ADGRB3: variants seen among roughly 807,000 people sequenced by gnomAD.
ADGRB3 encodes brain-specific angiogenesis inhibitor 3.
ADGRB3 carries 37 observed loss-of-function variants against 193.4 expected under a neutral mutation model. The ratio of observed to expected loss-of-function variants is 0.19; its 90% CI spans 0.15 to 0.25. The LOEUF is 0.25. Ranked by LOEUF, ADGRB3 falls within the 10% of genes least tolerant of loss-of-function variation. The pLI, the probability that ADGRB3 is intolerant of heterozygous loss-of-function variation, is 1.00. For synonymous variants in ADGRB3, 690 were observed against 644.2 expected, an observed-to-expected ratio of 1.07 and a Z score of -1.08; for missense variants, 1,637 against 1,852.9, an observed-to-expected ratio of 0.88 and a Z score of 2.14.
chr6:68,818,178 G>C (rs926380115), intron 3 of ADGRB3, among the ~76,000 whole-genome samples: 1 of 151,978 alleles, frequency 6.6e-6, no homozygotes, highest in Non-Finnish European at 1.5e-5. Context: ...CCACATGCAT[G>C]GTTCTATGTG....
intron 3 of ADGRB3, among the ~76,000 whole-genome samples, chr6:68,813,367 C>G (rs547193861): frequency 1.8e-4 from 27 of 152,196 alleles, no homozygotes; most frequent in African/African-American, 6.5e-4. Context: ...TCCTCAAGAT[C>G]TCACACTATT....
At chr6:68,876,263 G>A (rs925365669) in intron 3 of ADGRB3, among the ~76,000 whole-genome samples, 8 of 152,040 alleles carry the variant, frequency 5.3e-5, no homozygotes, top group African/African-American at 1.4e-4. Flanking sequence ...GACTCCCTAC[G>A]GGAGCTGTGT....
intron 2 of ADGRB3, 43 bp from the exon 3 acceptor site, chr6:68,638,618 G>C: frequency 1.3e-6 from 2 of 1,525,074 alleles, no homozygotes; most frequent in Non-Finnish European, 1.8e-6. Context: ...CTCAATGCAC[G>C]TAGACTCCTA....
In ADGRB3 at chr6:69,235,100, G is replaced by T. The variant is rs1390624035; in HGVS notation, c.2676G>T (p.Leu892Phe). The T allele has an allele frequency of 6.2e-7, 1 of 1,612,452 alleles. No individual in the cohort carries two copies. Among genetic ancestry groups the T allele is most frequent in the Non-Finnish European group, 8.5e-7 (1 of 1,178,760 alleles). Residue 892 changes from leucine (L) to phenylalanine (F), a missense_variant, in exon 19 of 32, where the codon TTG becomes TTT. Physicochemically the swap from Leu to Phe is conservative, Grantham distance 22. This residue lies in a region of ADGRB3 where 641 missense variants were observed against 673.9 expected (regional missense o/e 0.95). Coordinates refer to ENST00000370598, the MANE Select transcript of ADGRB3 (RefSeq NM_001704.3). The part of the protein sequence containing the change: ...IVGSGLSCLA[L>F]ITLAVVYAAL... ...GCAGTGGTCTTTCTTGCTTGGCCTT[G>T]ATTACCCTAGCAGTTGTCTATGCAG...
At chr6:68,729,016 C>T (rs555959584) in intron 3 of ADGRB3, among the ~76,000 whole-genome samples, 1 of 151,510 alleles carries the variant, frequency 6.6e-6, no homozygotes, top group African/African-American at 2.4e-5. Context: ...ATAAGCCACT[C>T]TAACATAGGC....
intron 6 of ADGRB3, among the ~76,000 whole-genome samples, chr6:68,953,312 C>A (rs150805109): frequency 1.6e-4 from 25 of 152,276 alleles, no homozygotes; most frequent in African/African-American, 6.0e-4. Context: ...CTAAGATTAG[C>A]TTAGCAGCAC....
chr6:69,278,180 A>G (rs1404082573), intron 20 of ADGRB3, among the ~76,000 whole-genome samples: 1 of 152,242 alleles, frequency 6.6e-6, no homozygotes, highest in Non-Finnish European at 1.5e-5. Flanking sequence ...ACAGAGATAC[A>G]CTTAGTGATC....
chr6:68,764,525 A>C (rs941591926), intron 3 of ADGRB3, among the ~76,000 whole-genome samples: 4 of 152,194 alleles, frequency 2.6e-5, no homozygotes, highest in African/African-American at 9.7e-5. Context: ...TGAAGTTTGA[A>C]AACCAGAATC....
rs146646342 is a variant in ADGRB3 at position 68,889,947 on chromosome 6, A to G, written c.758-40612A>G. Among the ~76,000 whole-genome samples the G allele has an allele frequency of 3.7e-3, 565 of 152,330 alleles. 11 individuals are homozygous for G. The highest frequency in any genetic ancestry group is 0.033 in the East Asian group (169 of 5,190). On this transcript the variant is annotated intron_variant, in intron 3 of 31. Coordinates refer to ENST00000370598, the MANE Select transcript of ADGRB3 (RefSeq NM_001704.3). The stretch of plus-strand genomic sequence containing the variant: ...ATTTTACATATATCATTATATAGGT[A>G]TATAAAAAGTAGTGAGTACTGTTGT...
intron 17 of ADGRB3, among the ~76,000 whole-genome samples, chr6:69,197,797 G>T (rs563703047): frequency 1.3e-5 from 2 of 152,048 alleles, no homozygotes; most frequent in South Asian, 2.1e-4. Context: ...CAATGTAAAG[G>T]CTGGAAGAAA....
At chr6:69,292,092 C>T (rs1767698395) in intron 20 of ADGRB3, among the ~76,000 whole-genome samples, 1 of 152,128 alleles carries the variant, frequency 6.6e-6, no homozygotes, top group Admixed American at 6.6e-5. Context: ...CATCAAACCT[C>T]GCATAAAAAT....
At chr6:69,192,114 A>T (rs906287178) in intron 17 of ADGRB3, among the ~76,000 whole-genome samples, 25 of 152,158 alleles carry the variant, frequency 1.6e-4, no homozygotes, top group Non-Finnish European at 2.1e-4. Context: ...TTGATTAAGG[A>T]GTATTGGCTC....
intron 3 of ADGRB3, among the ~76,000 whole-genome samples, chr6:68,683,785 A>G (rs903791075): frequency 5.3e-5 from 8 of 152,136 alleles, no homozygotes; most frequent in African/African-American, 1.9e-4. Context: ...TTCCTTCATT[A>G]TACCTTTACG....
chr6:69,223,652 C>CTTTTT (rs554027181), intron 17 of ADGRB3, among the ~76,000 whole-genome samples: 31 of 110,386 alleles, frequency 2.8e-4, no homozygotes, highest in African/African-American at 6.9e-4. Flanking sequence ...CTCTCTCTCT[C>CTTTTT]TTTTTTTTTT....
At chr6:68,958,803 T>A (rs1582349026) in intron 8 of ADGRB3, among the ~76,000 whole-genome samples, 1 of 151,654 alleles carries the variant, frequency 6.6e-6, no homozygotes, top group Non-Finnish European at 1.5e-5. Flanking sequence ...GTTTTCATAA[T>A]TAAAAAGAAT....
At chr6:69,141,205 G>A (rs1354005867) in intron 17 of ADGRB3, among the ~76,000 whole-genome samples, 1 of 151,324 alleles carries the variant, frequency 6.6e-6, no homozygotes, top group African/African-American at 2.4e-5. Flanking sequence ...CTCACTGCAA[G>A]CTCCGCCTCC....
intron 17 of ADGRB3, among the ~76,000 whole-genome samples, chr6:69,163,871 T>A (rs1358589535): frequency 6.6e-6 from 1 of 152,148 alleles, no homozygotes; most frequent in Non-Finnish European, 1.5e-5. Flanking sequence ...TCAGAGTAGA[T>A]CCTTCAGGTA....
chr6:69,066,778 A>G (rs1023145132), intron 16 of ADGRB3, among the ~76,000 whole-genome samples: 6 of 152,074 alleles, frequency 3.9e-5, no homozygotes, highest in Non-Finnish European at 7.4e-5. Flanking sequence ...TGTTTTTTAT[A>G]TCACTTAAGA....
chr6:69,310,721 C>T (rs1768171380), intron 20 of ADGRB3, among the ~76,000 whole-genome samples: 1 of 151,668 alleles, frequency 6.6e-6, no homozygotes, highest in African/African-American at 2.4e-5. Context: ...TTATAACTTG[C>T]CTGATGTAGG....
Sources: gnomAD v4.1 joint callset for allele counts (sites outside exome capture counted in the v4.1 genomes callset) on GRCh38, gnomAD v4.1.1 for gene constraint, gnomAD v4.1.1 regional missense constraint, MANE v1.5 for transcripts, NCBI Gene and HGNC (gene_info 2026-07-23, HGNC 2026-07-21) for gene names.